Variants in CXCL12 observed in about 807,000 individuals in gnomAD.
CXCL12 encodes stromal cell-derived factor 1.
In CXCL12, 4 loss-of-function variants were observed where a neutral mutation model predicts 10.7. The observed-to-expected ratio is 0.37, with a 90% CI of 0.18 to 0.86. The LOEUF (loss-of-function observed/expected upper bound fraction) is 0.86, where lower values mean the gene tolerates loss of function less well. Ranked by LOEUF, CXCL12 falls within the 40% of genes least tolerant of loss-of-function variation. The probability of loss-of-function intolerance (pLI) is 0.43; values close to 1 mark genes in which losing one functional copy is unlikely to be tolerated. For synonymous variants in CXCL12, 54 were observed against 45.4 expected (o/e 1.19, Z -0.77); for missense variants, 122 against 110.4 (o/e 1.10, Z -0.47).
chr10:44,375,136 A>C (rs1165423330), downstream of CXCL12, among the ~76,000 whole-genome samples: 1 of 152,206 alleles, frequency 6.6e-6, no homozygotes. Context: ...GCAAAGTTCC[A>C]TAGCACATCT....
Position 44,378,706 on chromosome 10 carries a change from T to C in CXCL12, c.197A>G (p.Asn66Ser), listed in dbSNP as rs1188035217. Residue 66 changes from asparagine (N) to serine (S), a missense_variant, in exon 3 of 3, where the codon AAC (asparagine) becomes AGC (serine). Coordinates refer to ENST00000343575, the MANE Select transcript of CXCL12 (RefSeq NM_199168.4). The stretch of plus-strand genomic sequence containing the variant: ...CGGGTCAATGCACACTTGTCTGTTG[T>C]TGTTCTTCAGCCGGGCTCTGTGAAA... ...ALQIVARLKN[N>S]NRQVCIDPKL... 5.0e-6 allele frequency: 8 copies of C among 1,614,240 alleles called. No individual in the cohort carries two copies. In the East Asian group the frequency reaches 1.6e-4, roughly 31 times the overall value.
In CXCL12 at chr10:44,378,220, G is replaced by A. The variant is rs1013732658; in HGVS notation, c.*413C>T. On this transcript the variant is annotated 3_prime_UTR_variant, in exon 3 of 3. Coordinates refer to ENST00000343575, the MANE Select transcript of CXCL12 (RefSeq NM_199168.4). ...CTGACTGTGCCCAGACTCCCCAGGG[G>A]AGCAGAGGAGATGCTCCAAACAAGC... The A allele has an allele frequency of 2.1e-6, 3 of 1,452,494 alleles. No homozygotes were observed. The highest frequency in any genetic ancestry group is 2.7e-6 in the Non-Finnish European group (3 of 1,092,774). 90.0% of individuals were successfully genotyped at this position (1,452,494 alleles called of 1,614,324 possible). A position where few individuals can be genotyped will look rare whatever the true frequency, so the allele number is the denominator to read the frequency against.
At chr10:44,384,424 G>A (rs564757396) in intron 1 of CXCL12, among the ~76,000 whole-genome samples, 4 of 152,332 alleles carry the variant, frequency 2.6e-5, no homozygotes, top group Admixed American at 2.6e-4. Flanking sequence ...GGCTTCGCAG[G>A]GAGCGGAGGC....
intron 2 of CXCL12, among the ~76,000 whole-genome samples, chr10:44,379,591 G>A (rs1014303681): frequency 5.3e-5 from 8 of 152,146 alleles, no homozygotes; most frequent in African/African-American, 1.9e-4. Context: ...GGGGTGCAGA[G>A]ATGGGTGTGG....
chr10:44,380,714 C>T lies in CXCL12; in HGVS notation c.179+49G>A, dbSNP rs200632037. 9.2e-5 allele frequency: 135 copies of T among 1,462,922 alleles called. No homozygotes were observed. In the African/African-American group the frequency reaches 1.0e-3, roughly 11 times the overall value. The allele number at this position is 1,462,922 out of a possible 1,614,324, so 90.6% of individuals were successfully genotyped here. On this transcript the variant is annotated intron_variant, in intron 2 of 2. Coordinates refer to ENST00000343575, the MANE Select transcript of CXCL12 (RefSeq NM_199168.4). ...GACTCGGGTTAGATGTTACTATGTT[C>T]GTTAGATGCAACTATGTTCGTTAGA...
chr10:44,373,579 G>C (rs918496050), downstream of CXCL12, among the ~76,000 whole-genome samples: 21 of 152,234 alleles, frequency 1.4e-4, no homozygotes, highest in Admixed American at 6.5e-4. Context: ...GGACAGACAC[G>C]TGGCAAGCAC....
At chr10:44,379,257 A>T (rs1239508090) in intron 2 of CXCL12, among the ~76,000 whole-genome samples, 1 of 151,714 alleles carries the variant, frequency 6.6e-6, no homozygotes, top group Non-Finnish European at 1.5e-5. Context: ...CCGCGGTCTG[A>T]CCGGGAGGGT....
chr10:44,374,551 G>A (rs1435282100), downstream of CXCL12: 2 of 456,086 alleles, frequency 4.4e-6, no homozygotes, highest in Non-Finnish European at 8.8e-6. Flanking sequence ...AGTTGTCCAG[G>A]TAAAAGAGAT....
At chr10:44,375,257 C>T (rs17881412), downstream of CXCL12, among the ~76,000 whole-genome samples, 6,891 of 152,304 alleles carry the variant, frequency 0.045, 180 homozygotes, top group African/African-American at 0.074. Flanking sequence ...TTCCCTCGGG[C>T]TCACCCCACA....
rs1564465805 is a variant in CXCL12 at position 44,385,053 on chromosome 10, G to T, written c.-48C>A. 4 of 1,366,984 alleles carry T rather than the reference G, an allele frequency of 2.9e-6. No homozygotes were observed. The highest frequency in any genetic ancestry group is 3.9e-6 in the Non-Finnish European group (4 of 1,034,284). The allele number at this position is 1,366,984 out of a possible 1,614,324, so 84.7% of individuals were successfully genotyped here. A position where few individuals can be genotyped will look rare whatever the true frequency, so the allele number is the denominator to read the frequency against. ...GGCGGACGAGCGCGGGTCGGGGGCCGGACGCCGAGCGGGCAATGCGGCTGA... is the reference window on the plus strand; with the variant it reads ...GGCGGACGAGCGCGGGTCGGGGGCCTGACGCCGAGCGGGCAATGCGGCTGA... On this transcript the variant is annotated 5_prime_UTR_variant, in exon 1 of 3. Coordinates refer to ENST00000343575, the MANE Select transcript of CXCL12 (RefSeq NM_199168.4).
intron 2 of CXCL12, among the ~76,000 whole-genome samples, chr10:44,379,530 G>A (rs766212327): frequency 2.6e-5 from 4 of 152,164 alleles, no homozygotes; most frequent in Non-Finnish European, 4.4e-5. Context: ...CCAGAACAGT[G>A]GTTCAGGGGC....
chr10:44,378,820 G>A lies in CXCL12; in HGVS notation c.180-97C>T, dbSNP rs918814896. On this transcript the variant is annotated intron_variant, in intron 2 of 2. Coordinates refer to ENST00000343575, the MANE Select transcript of CXCL12 (RefSeq NM_199168.4). ...CCCCCAACACCCATCTAGGGCCCTCGCTGGCACCCCGTGCTCCACTTGGTA... is the reference window on the plus strand; with the variant it reads ...CCCCCAACACCCATCTAGGGCCCTCACTGGCACCCCGTGCTCCACTTGGTA... The A allele has an allele frequency of 2.0e-5, 25 of 1,235,976 alleles. No homozygotes were observed. In the Admixed American group the frequency reaches 2.1e-4, roughly 10 times the overall value. 76.6% of individuals were successfully genotyped at this position (1,235,976 alleles called of 1,614,324 possible).
chr10:44,373,427 G>C, downstream of CXCL12: 2 of 1,239,472 alleles, frequency 1.6e-6, no homozygotes, highest in East Asian at 2.5e-5. Context: ...GGCCTGCGCG[G>C]AGGCCCTGGG....
Position 44,378,039 on chromosome 10 carries a change from C to T in CXCL12, c.*594G>A. ...TCTACATGGAGCCCACAGAGCCAATCACTGAGGTTGAAAGAGGAGGTGAAG... is the reference window on the plus strand; with the variant it reads ...TCTACATGGAGCCCACAGAGCCAATTACTGAGGTTGAAAGAGGAGGTGAAG... On this transcript the variant is annotated 3_prime_UTR_variant, in exon 3 of 3. Transcript: ENST00000343575. 6.7e-7 allele frequency: 1 copy of T among 1,484,488 alleles called. No individual in the cohort carries two copies. Among genetic ancestry groups the T allele is most frequent in the Non-Finnish European group, 8.9e-7 (1 of 1,128,454 alleles). 92.0% of individuals were successfully genotyped at this position (1,484,488 alleles called of 1,614,324 possible).
In CXCL12 at chr10:44,377,637, A is replaced by G. The variant is rs1443534396; in HGVS notation, c.*996T>C. The stretch of plus-strand genomic sequence containing the variant: ...GAGTTTGTTAGTGCCTCCATGGCAT[A>G]CATAGGCTTCAGAGGCAATCACAAA... On this transcript the variant is annotated 3_prime_UTR_variant, in exon 3 of 3. Coordinates refer to ENST00000343575, the MANE Select transcript of CXCL12 (RefSeq NM_199168.4). 1 of 1,541,664 alleles carries G rather than the reference A, an allele frequency of 6.5e-7. No homozygotes were observed. The highest frequency in any genetic ancestry group is 8.7e-7 in the Non-Finnish European group (1 of 1,151,106).
downstream of CXCL12, among the ~76,000 whole-genome samples, chr10:44,375,706 C>T (rs867112256): frequency 2.6e-5 from 4 of 152,232 alleles, no homozygotes; most frequent in Non-Finnish European, 5.9e-5. Context: ...CACAGACCCC[C>T]GCCCCAGTCT....
downstream of CXCL12, chr10:44,374,758 C>CT: frequency 2.3e-6 from 1 of 440,156 alleles, no homozygotes; most frequent in East Asian, 7.1e-5. Flanking sequence ...ACCACTTTCT[C>CT]TTTCTGCATT....
At chr10:44,383,385 G>C (rs780604579) in intron 1 of CXCL12, among the ~76,000 whole-genome samples, 19 of 152,136 alleles carry the variant, frequency 1.2e-4, no homozygotes, top group Non-Finnish European at 2.2e-4. Context: ...CCACGTCTCT[G>C]TGCTTCCCCC....
rs774652189 is a variant in CXCL12, at chr10:44,377,892, C to G, written c.*741G>C. The G allele has an allele frequency of 6.4e-7, 1 of 1,568,430 alleles. No homozygotes were observed. The highest frequency in any genetic ancestry group is 1.4e-5 in the African/African-American group (1 of 74,060). On this transcript the variant is annotated 3_prime_UTR_variant, in exon 3 of 3. Coordinates refer to ENST00000343575, the MANE Select transcript of CXCL12 (RefSeq NM_199168.4). ...GCAATCACCCTCTTCCCGGCTGGTG[C>G]GGCGCTGATCAGGCTACAGAAATGA... is the stretch of plus-strand genomic sequence containing the variant.
Sources: gnomAD v4.1 joint callset for allele counts (sites outside exome capture counted in the v4.1 genomes callset) on GRCh38, gnomAD v4.1.1 for gene constraint, MANE v1.5 for transcripts, NCBI Gene and HGNC (gene_info 2026-07-23, HGNC 2026-07-21) for gene names.